RUNX1: variants seen among roughly 807,000 people sequenced by gnomAD.
RUNX1 encodes RUNX family transcription factor 1.
In RUNX1, 19 loss-of-function variants were observed where a neutral mutation model predicts 42.8. The ratio of observed to expected loss-of-function variants is 0.44; its 90% CI spans 0.31 to 0.65. The LOEUF (loss-of-function observed/expected upper bound fraction) is 0.65, where lower values mean the gene tolerates loss of function less well. Among genes scored for constraint, RUNX1 ranks in the 30% least tolerant of loss-of-function variants. The pLI is 0.07. For missense variants in RUNX1, 528 were observed against 672.0 expected (o/e 0.79, Z 2.37); for synonymous variants, 271 against 289.4 (o/e 0.94, Z 0.64).
intron 2 of RUNX1, among the ~76,000 whole-genome samples, chr21:34,974,987 ATTGGATAAATTG>A (rs2058790346): frequency 6.6e-6 from 1 of 152,178 alleles, no homozygotes; most frequent in African/African-American, 2.4e-5. Context: ...GCTCAGAGTG[ATTGGATAAATTG>A]CCCATATGCT....
intron 2 of RUNX1, among the ~76,000 whole-genome samples, chr21:35,040,930 T>C (rs900254874): frequency 3.3e-5 from 5 of 152,166 alleles, no homozygotes; most frequent in African/African-American, 1.2e-4. Flanking sequence ...TTTCTGGGTC[T>C]TTCTTTAGGA....
chr21:34,821,685 C>T, intron 7 of RUNX1: 1 of 1,575,158 alleles, frequency 6.3e-7, no homozygotes, highest in South Asian at 1.2e-5. Context: ...CTCCAGGGTG[C>T]TGTGTCTTCC....
intron 5 of RUNX1, among the ~76,000 whole-genome samples, chr21:34,877,754 G>A (rs1327820837): frequency 6.6e-6 from 1 of 152,178 alleles, no homozygotes; most frequent in Non-Finnish European, 1.5e-5. Context: ...TCGTTTTGTA[G>A]AACAGAGAAA....
At position 34,790,949 on chromosome 21, in the gene RUNX1, C is replaced by A. The variant is rs529351449; in HGVS notation, c.*1186G>T. 8.6e-6 allele frequency: 2 copies of A among 233,672 alleles called. No homozygotes were observed. Among genetic ancestry groups the A allele is most frequent in the Admixed American group, 5.6e-5 (1 of 17,804 alleles). The allele number at this position is 233,672 out of a possible 1,614,324, so 14.5% of individuals were successfully genotyped here. ...GGTGAGCAAATCCCTGGGCAGAAAT[C>A]AAATCCTCTCCAAAGATGTAATTAT... is the stretch of plus-strand genomic sequence containing the variant. On this transcript the variant is annotated 3_prime_UTR_variant, in exon 9 of 9. Transcript: ENST00000675419.
At chr21:34,935,985 G>A (rs757591263) in intron 2 of RUNX1, among the ~76,000 whole-genome samples, 3 of 152,194 alleles carry the variant, frequency 2.0e-5, no homozygotes, top group South Asian at 2.1e-4. Flanking sequence ...CATAGCACAC[G>A]GCTGTACTCA....
chr21:34,818,894 G>A (rs552479136), intron 7 of RUNX1, among the ~76,000 whole-genome samples: 10 of 152,262 alleles, frequency 6.6e-5, no homozygotes, highest in South Asian at 2.1e-4. Flanking sequence ...CCCCTCTTTC[G>A]CCTAAGTGCT....
At chr21:35,028,327 G>A (rs1228368539) in intron 2 of RUNX1, among the ~76,000 whole-genome samples, 1 of 152,182 alleles carries the variant, frequency 6.6e-6, no homozygotes, top group Non-Finnish European at 1.5e-5. Context: ...AAGTTTAGGA[G>A]TCCCTGGTCT....
At position 34,869,441 on chromosome 21, in the gene RUNX1, C is replaced by T. The variant is rs536781924; in HGVS notation, c.509-9863G>A. Among the ~76,000 whole-genome samples the T allele has an allele frequency of 5.3e-5, 8 of 152,236 alleles. No homozygotes were observed. The East Asian group carries it at 1.5e-3, about 29-fold the overall frequency. ...TTTTCTAGGACTCACAGAATCATCG[C>T]TAATAGATGTGTGTGTTTTCTATGT... On this transcript the variant is annotated intron_variant, in intron 5 of 8. Transcript: ENST00000675419.
intron 6 of RUNX1, among the ~76,000 whole-genome samples, chr21:34,852,694 C>T (rs2057439372): frequency 6.6e-6 from 1 of 152,170 alleles, no homozygotes; most frequent in Non-Finnish European, 1.5e-5. Context: ...CTTTGAGCCT[C>T]TGCCTTGCTC....
intron 2 of RUNX1, among the ~76,000 whole-genome samples, chr21:34,893,676 A>C (rs2058104766): frequency 6.6e-6 from 1 of 152,106 alleles, no homozygotes; most frequent in Admixed American, 6.5e-5. Flanking sequence ...CTGAGTCACA[A>C]AGAGGAAATA....
rs551328006 is a variant in RUNX1 at position 34,908,195 on chromosome 21, C to T, written c.59-15232G>A. On this transcript the variant is annotated intron_variant, in intron 2 of 8. Coordinates refer to ENST00000675419, the MANE Select transcript of RUNX1 (RefSeq NM_001754.5). ...AAACTCCAGCCCCAAAAAAGTCATT[C>T]GAACAGAGTAATGATACATCTCCAA... Among the ~76,000 whole-genome samples, 3 of 152,212 alleles carry T rather than the reference C, an allele frequency of 2.0e-5. No homozygotes were observed. The South Asian group carries it at 6.2e-4, about 32-fold the overall frequency.
At chr21:34,985,762 G>C (rs188354070) in intron 2 of RUNX1, among the ~76,000 whole-genome samples, 14 of 151,384 alleles carry the variant, frequency 9.2e-5, no homozygotes, top group Non-Finnish European at 2.1e-4. Flanking sequence ...TATTATTATA[G>C]TCATTTCACT....
At chr21:35,037,924 C>CT (rs35525288) in intron 2 of RUNX1, among the ~76,000 whole-genome samples, 140,213 of 146,650 alleles carry the variant, frequency 0.96, 67,100 homozygotes, top group South Asian at 0.98. Flanking sequence ...GCAGACATTT[C>CT]TTTTTTTTTT....
chr21:34,888,672 C>G, intron 3 of RUNX1: 5 of 1,045,440 alleles, frequency 4.8e-6, no homozygotes, highest in Non-Finnish European at 5.8e-6. Flanking sequence ...CCGTCCCGCC[C>G]GCGCCCGCTG....
Position 34,961,038 on chromosome 21 carries a change from A to C in RUNX1, c.59-68075T>G, listed in dbSNP as rs143820794. Among the ~76,000 whole-genome samples, 100 of 152,354 alleles carry C rather than the reference A, an allele frequency of 6.6e-4. 3 individuals carry two copies. The East Asian group carries it at 0.018, about 27-fold the overall frequency. ...AGTCTGGGAGCTATAAAAGCTCCTC[A>C]TTAGTGACAAGATTTTAACAAAACC... On this transcript the variant is annotated intron_variant, in intron 2 of 8. Transcript: ENST00000675419.
rs571748934 is a variant in RUNX1, at chr21:35,003,530, TA to T, written c.58+45311del. Among the ~76,000 whole-genome samples the T allele has an allele frequency of 1.5e-3, 166 of 112,114 alleles. 1 individual carries two copies. Among genetic ancestry groups the T allele is most frequent in the Middle Eastern group, 9.8e-3 (2 of 204 alleles). 73.6% of individuals were successfully genotyped at this position (112,114 alleles called of 152,430 possible). A position where few individuals can be genotyped will look rare whatever the true frequency, so the allele number is the denominator to read the frequency against. On this transcript the variant is annotated intron_variant, in intron 2 of 8. Transcript: ENST00000675419. Reference sequence around the variant, plus strand: ...AGGAGAAAAGCTGTCTTTTTTTTTTTAAAAAAAAAGATGACTCAACCATGTC... The same window carrying T: ...AGGAGAAAAGCTGTCTTTTTTTTTTTAAAAAAAAGATGACTCAACCATGTC...
chr21:34,846,037 C>A (rs1359682979), intron 6 of RUNX1, among the ~76,000 whole-genome samples: 1 of 152,008 alleles, frequency 6.6e-6, no homozygotes, highest in African/African-American at 2.4e-5. Flanking sequence ...GGGAGGCGGC[C>A]CCACTCAGAA....
Position 34,834,541 on chromosome 21 carries a change from A to G in RUNX1, c.674T>C (p.Leu225Pro). Residue 225 changes from leucine to proline, a missense_variant, in exon 7 of 9, where the codon CTC (leucine) becomes CCC (proline). Coordinates refer to ENST00000675419, the MANE Select transcript of RUNX1 (RefSeq NM_001754.5). ...GCGCCGCAGCTGCTCCAGTTCACTGAGCCGCTCGGAAAAGGACAAGCTCCC... is the reference window on the plus strand; with the variant it reads ...GCGCCGCAGCTGCTCCAGTTCACTGGGCCGCTCGGAAAAGGACAAGCTCCC... The part of the protein sequence containing the change: ...KPGSLSFSER[L>P]SELEQLRRTA... The G allele has an allele frequency of 6.2e-7, 1 of 1,609,844 alleles. No individual in the cohort carries two copies. Among genetic ancestry groups the G allele is most frequent in the South Asian group, 1.1e-5 (1 of 90,978 alleles).
chr21:35,020,943 T>C (rs776940249), intron 2 of RUNX1, among the ~76,000 whole-genome samples: 1 of 152,194 alleles, frequency 6.6e-6, no homozygotes, highest in Non-Finnish European at 1.5e-5. Flanking sequence ...CCACAAAGAA[T>C]CTGGGGCTTC....
Sources: allele counts gnomAD v4.1 joint callset (sites outside exome capture counted in the v4.1 genomes callset), GRCh38; gene constraint gnomAD v4.1.1; transcripts MANE v1.5; gene names NCBI Gene and HGNC (gene_info 2026-07-23, HGNC 2026-07-21).